Variants in STAG1 observed in about 807,000 individuals in gnomAD.
STAG1 encodes the protein STAG1 cohesin complex component.
In STAG1, 26 loss-of-function variants were observed where a neutral mutation model predicts 170.9. The observed-to-expected ratio is 0.15, with a 90% CI of 0.11 to 0.21. STAG1 has a LOEUF of 0.21. Ranked by LOEUF, STAG1 falls within the 10% of genes least tolerant of loss-of-function variation. The pLI is 1.00. For missense variants in STAG1, 964 were observed against 1,509.5 expected, an observed-to-expected ratio of 0.64 and a Z score of 5.99; for synonymous variants, 514 against 497.7, an observed-to-expected ratio of 1.03 and a Z score of -0.44.
intron 1 of STAG1, among the ~76,000 whole-genome samples, chr3:136,669,195 A>C (rs1941905816): frequency 6.6e-6 from 1 of 152,246 alleles, no homozygotes; most frequent in African/African-American, 2.4e-5. Context: ...AAAAGGCAAC[A>C]CACTGTATTT....
intron 9 of STAG1, among the ~76,000 whole-genome samples, chr3:136,495,628 T>G (rs1348166443): frequency 6.6e-6 from 1 of 151,466 alleles, no homozygotes; most frequent in African/African-American, 2.4e-5. Flanking sequence ...AGGTCAAGAG[T>G]TCGAGACCAG....
At chr3:136,689,112 C>T (rs953355740) in intron 1 of STAG1, among the ~76,000 whole-genome samples, 1 of 152,142 alleles carries the variant, frequency 6.6e-6, no homozygotes, top group Non-Finnish European at 1.5e-5. Flanking sequence ...AAGGGGAGTT[C>T]CCCAAATGGG....
chr3:136,654,780 G>A (rs2107859150), intron 1 of STAG1, among the ~76,000 whole-genome samples: 1 of 152,292 alleles, frequency 6.6e-6, no homozygotes, highest in South Asian at 2.1e-4. Context: ...AATTAAAACT[G>A]TGTGGCACTG....
chr3:136,372,862 T>C (rs543002142), intron 23 of STAG1, among the ~76,000 whole-genome samples: 1 of 152,342 alleles, frequency 6.6e-6, no homozygotes, highest in East Asian at 1.9e-4. Flanking sequence ...GCTGGCCTCA[T>C]AAAATGAGTT....
At chr3:136,521,992 A>G (rs964690655) in intron 6 of STAG1, among the ~76,000 whole-genome samples, 2 of 152,210 alleles carry the variant, frequency 1.3e-5, no homozygotes, top group African/African-American at 4.8e-5. Flanking sequence ...TTTTCTAAGA[A>G]AACAATCTGA....
At chr3:136,400,204 T>C (rs1240406704) in intron 21 of STAG1, among the ~76,000 whole-genome samples, 1 of 152,080 alleles carries the variant, frequency 6.6e-6, no homozygotes, top group East Asian at 1.9e-4. Flanking sequence ...ATCACAGGTC[T>C]GAGCCACGGT....
intron 21 of STAG1, among the ~76,000 whole-genome samples, chr3:136,407,525 G>T (rs1352946267): frequency 6.6e-6 from 1 of 151,184 alleles, no homozygotes; most frequent in Non-Finnish European, 1.5e-5. Context: ...ACAATGGTGC[G>T]ATCTTGGCTC....
chr3:136,353,599 G>T (rs1936518158), intron 28 of STAG1, among the ~76,000 whole-genome samples: 1 of 152,202 alleles, frequency 6.6e-6, no homozygotes, highest in African/African-American at 2.4e-5. Flanking sequence ...TATCAAACGA[G>T]AATCTTACAT....
At chr3:136,412,917 A>T (rs2087666876) in intron 21 of STAG1, among the ~76,000 whole-genome samples, 1 of 149,378 alleles carries the variant, frequency 6.7e-6, no homozygotes, top group Non-Finnish European at 1.5e-5. Flanking sequence ...GCTGGAGTGC[A>T]GTGGCGTAAA....
chr3:136,748,275 C>T (rs962615735), intron 1 of STAG1, among the ~76,000 whole-genome samples: 1 of 151,936 alleles, frequency 6.6e-6, no homozygotes, highest in African/African-American at 2.4e-5. Flanking sequence ...CTGGCACATG[C>T]CTACAGTCCC....
intron 32 of STAG1, 97 bp from the exon 33 acceptor site, chr3:136,338,547 T>A: frequency 1.2e-6 from 1 of 849,550 alleles, no homozygotes; most frequent in Non-Finnish European, 1.9e-6. Context: ...CATAAATATA[T>A]GGAACTGCTA....
At chr3:136,636,560 G>A (rs556640037) in intron 1 of STAG1, among the ~76,000 whole-genome samples, 32 of 152,080 alleles carry the variant, frequency 2.1e-4, no homozygotes, top group Non-Finnish European at 3.5e-4. Context: ...AAGTCTTAAC[G>A]TCAACCATGG....
At chr3:136,383,697 T>C (rs971301201) in intron 22 of STAG1, among the ~76,000 whole-genome samples, 1 of 152,142 alleles carries the variant, frequency 6.6e-6, no homozygotes, top group Non-Finnish European at 1.5e-5. Flanking sequence ...GGCTCACGCC[T>C]GTAATCCCAG....
chr3:136,568,867 G>A lies in STAG1; in HGVS notation c.298-6C>T. Reference sequence around the variant, plus strand: ...ATCCAGTCATCCACCACGGACTGTGGAAAAAAAATATAAAAATGAAAACTT... The same window carrying A: ...ATCCAGTCATCCACCACGGACTGTGAAAAAAAAATATAAAAATGAAAACTT... On this transcript the variant is annotated splice_region_variant and splice_polypyrimidine_tract_variant and intron_variant, in intron 4 of 33. Transcript: ENST00000383202. 6.3e-7 allele frequency: 1 copy of A among 1,575,930 alleles called. No homozygotes were observed. Among genetic ancestry groups the A allele is most frequent in the Non-Finnish European group, 8.6e-7 (1 of 1,162,792 alleles).
In STAG1 at chr3:136,528,494, A is replaced by ACCC. The variant is rs34484071; in HGVS notation, c.472-7080_472-7078dup. 3.7e-3 allele frequency among the ~76,000 whole-genome samples: 263 copies of ACCC among 71,348 alleles called. 11 individuals carry two copies. The highest frequency in any genetic ancestry group is 0.015 in the Middle Eastern group (2 of 136). The allele number at this position is 71,348 out of a possible 152,430, so 46.8% of individuals were successfully genotyped here. A position where few individuals can be genotyped will look rare whatever the true frequency, so the allele number is the denominator to read the frequency against. Reference sequence around the variant, plus strand: ...ATTCCCCAGCAACAGATGTCCCCGCACCCCCCCCCCCAAAAAATCACTAAG... The same window carrying ACCC: ...ATTCCCCAGCAACAGATGTCCCCGCACCCCCCCCCCCCCCAAAAAATCACTAAG... On this transcript the variant is annotated intron_variant, in intron 6 of 33. Transcript: ENST00000383202.
chr3:136,692,184 G>A (rs1942747847), intron 1 of STAG1, among the ~76,000 whole-genome samples: 1 of 151,244 alleles, frequency 6.6e-6, no homozygotes, highest in East Asian at 2.0e-4. Flanking sequence ...CATGATGGCA[G>A]GTGCCTGTAA....
At chr3:136,463,714 TA>T (rs530519093) in intron 13 of STAG1, among the ~76,000 whole-genome samples, 11,340 of 126,008 alleles carry the variant, frequency 0.09, 1,577 homozygotes, top group African/African-American at 0.31. Context: ...CCCATCTCTC[TA>T]AAAAAAAAAA....
At chr3:136,380,027 C>T (rs1006667035) in intron 22 of STAG1, among the ~76,000 whole-genome samples, 5 of 152,050 alleles carry the variant, frequency 3.3e-5, no homozygotes, top group African/African-American at 4.8e-5. Flanking sequence ...CTGATATGTA[C>T]CACATACTGT....
chr3:136,504,899 A>G (rs1295635221), intron 7 of STAG1, among the ~76,000 whole-genome samples: 1 of 152,218 alleles, frequency 6.6e-6, no homozygotes, highest in African/African-American at 2.4e-5. Flanking sequence ...CATAAACAGT[A>G]AAGTAATCAA....
Sources: gnomAD v4.1 joint callset for allele counts (sites outside exome capture counted in the v4.1 genomes callset) on GRCh38, gnomAD v4.1.1 for gene constraint, MANE v1.5 for transcripts, NCBI Gene and HGNC (gene_info 2026-07-23, HGNC 2026-07-21) for gene names.